COBLL1: variants seen among roughly 807,000 people sequenced by gnomAD.
COBLL1 encodes the protein cordon-bleu WH2 repeat protein like 1.
COBLL1 carries 50 observed loss-of-function variants against 94.8 expected under a neutral mutation model. The observed-to-expected ratio is 0.53, with a 90% confidence interval of 0.42 to 0.67. COBLL1 has a LOEUF of 0.67. COBLL1 is among the 30% of genes least tolerant of loss of function. The probability of loss-of-function intolerance (pLI) is 0.00; values close to 1 mark genes in which losing one functional copy is unlikely to be tolerated. For synonymous variants in COBLL1, 448 were observed against 473.8 expected, an observed-to-expected ratio of 0.95 and a Z score of 0.71; for missense variants, 1,362 against 1,348.7, an observed-to-expected ratio of 1.01 and a Z score of -0.15.
intron 2 of COBLL1, among the ~76,000 whole-genome samples, chr2:164,749,201 T>A (rs963316756): frequency 6.6e-6 from 1 of 152,192 alleles, no homozygotes; most frequent in African/African-American, 2.4e-5. Context: ...ACATCCTTAA[T>A]AAGCTACTCA....
At chr2:164,803,073 T>C (rs542593472) in intron 2 of COBLL1, among the ~76,000 whole-genome samples, 2 of 152,324 alleles carry the variant, frequency 1.3e-5, no homozygotes, top group African/African-American at 2.4e-5. Flanking sequence ...TTTTCCACTA[T>C]TATAAAGCCT....
intron 2 of COBLL1, among the ~76,000 whole-genome samples, chr2:164,768,990 C>T (rs753075779): frequency 3.9e-5 from 6 of 152,018 alleles, no homozygotes; most frequent in South Asian, 2.1e-4. Flanking sequence ...TTCATATTAG[C>T]GAATGGAAGC....
intron 2 of COBLL1, among the ~76,000 whole-genome samples, chr2:164,814,333 T>C (rs1360576493): frequency 5.3e-5 from 8 of 152,130 alleles, no homozygotes; most frequent in Admixed American, 1.3e-4. Context: ...AATAAGGTCT[T>C]AATAAACAAT....
intron 2 of COBLL1, among the ~76,000 whole-genome samples, chr2:164,818,148 A>G (rs1040503001): frequency 1.3e-5 from 2 of 151,424 alleles, no homozygotes; most frequent in African/African-American, 4.9e-5. Context: ...GTATATGTAC[A>G]TGTATACGTG....
chr2:164,823,768 C>A (rs759062793), intron 2 of COBLL1, among the ~76,000 whole-genome samples: 1 of 152,146 alleles, frequency 6.6e-6, no homozygotes, highest in African/African-American at 2.4e-5. Flanking sequence ...TTTGTGATGG[C>A]TTTTACTGTT....
chr2:164,730,606 C>G (rs887350279), intron 3 of COBLL1, among the ~76,000 whole-genome samples: 3 of 152,004 alleles, frequency 2.0e-5, no homozygotes, highest in Non-Finnish European at 4.4e-5. Flanking sequence ...TTAAAAAGTC[C>G]TGGGATAGTC....
Position 164,765,503 on chromosome 2 carries a change from C to G in COBLL1, c.42-21628G>C, listed in dbSNP as rs181048819. Reference sequence around the variant, plus strand: ...CATAAAAGGTATTTTTTTAAATTTCCTTATCTGTTACGATATATAACAAAA... The same window carrying G: ...CATAAAAGGTATTTTTTTAAATTTCGTTATCTGTTACGATATATAACAAAA... On this transcript the variant is annotated intron_variant, in intron 2 of 13. Transcript: ENST00000652658. Among the ~76,000 whole-genome samples the G allele has an allele frequency of 5.2e-3, 793 of 152,108 alleles. 12 individuals are homozygous for G. Among genetic ancestry groups the G allele is most frequent in the African/African-American group, 0.018 (732 of 41,498 alleles).
intron 2 of COBLL1, among the ~76,000 whole-genome samples, chr2:164,822,848 C>T (rs1685245154): frequency 6.6e-6 from 1 of 151,308 alleles, no homozygotes; most frequent in Non-Finnish European, 1.5e-5. Flanking sequence ...AGCTCACTTG[C>T]AACCTCCACC....
At chr2:164,766,180 C>T (rs1343688172) in intron 2 of COBLL1, among the ~76,000 whole-genome samples, 1 of 152,156 alleles carries the variant, frequency 6.6e-6, no homozygotes, top group East Asian at 1.9e-4. Flanking sequence ...ATTTTATTTA[C>T]CCATTCACCA....
chr2:164,703,747 T>A, intron 9 of COBLL1: 1 of 310,700 alleles, frequency 3.2e-6, no homozygotes, highest in Non-Finnish European at 6.5e-6. Flanking sequence ...ATTATCCCCA[T>A]GATAAAGTCC....
In COBLL1 at chr2:164,841,277, G is replaced by A. The variant is rs1396822252; in HGVS notation, c.-50-31C>T. On this transcript the variant is annotated intron_variant, in intron 1 of 13. Transcript: ENST00000652658. This position sits in a 1 kb window ranked among gnomAD's most constrained non-coding sequence, Gnocchi z 5.5. Reference sequence around the variant, plus strand: ...GTGGGAGAGGCCGGCGGGTCAGGGCGGGACGCGCGCCTTCCCGAGGCCGGA... The same window carrying A: ...GTGGGAGAGGCCGGCGGGTCAGGGCAGGACGCGCGCCTTCCCGAGGCCGGA... 13 of 1,220,306 alleles carry A rather than the reference G, an allele frequency of 1.1e-5. No homozygotes were observed. Among genetic ancestry groups the A allele is most frequent in the Non-Finnish European group, 1.2e-5 (12 of 980,718 alleles). The allele number at this position is 1,220,306 out of a possible 1,614,324, so 75.6% of individuals were successfully genotyped here.
intron 9 of COBLL1, among the ~76,000 whole-genome samples, chr2:164,704,021 G>A (rs1684454001): frequency 6.6e-6 from 1 of 152,164 alleles, no homozygotes; most frequent in Non-Finnish European, 1.5e-5. Context: ...TTAGAGTAGG[G>A]TAACTTGTAT....
chr2:164,836,064 A>C (rs766533915), intron 2 of COBLL1, among the ~76,000 whole-genome samples: 12 of 152,144 alleles, frequency 7.9e-5, no homozygotes, highest in Non-Finnish European at 1.5e-4. Context: ...AATATCCTCT[A>C]ACTCATGTAG....
intron 3 of COBLL1, among the ~76,000 whole-genome samples, chr2:164,737,370 T>C (rs1574495442): frequency 6.6e-6 from 1 of 151,956 alleles, no homozygotes; most frequent in Admixed American, 6.6e-5. Flanking sequence ...CTCAGAGCCA[T>C]GGGGGACATG....
chr2:164,722,005 T>C, intron 7 of COBLL1, 70 bp downstream of exon 7: 5 of 1,181,450 alleles, frequency 4.2e-6, no homozygotes, highest in Non-Finnish European at 6.0e-6. Context: ...GAAAAGATGT[T>C]AGGTAAGAGG....
chr2:164,666,677 A>G (rs1691163888), intron 1 of COBLL1, among the ~76,000 whole-genome samples: 1 of 152,206 alleles, frequency 6.6e-6, no homozygotes, highest in African/African-American at 2.4e-5. Context: ...AGTTTGTGTA[A>G]TATCTAAATC....
At chr2:164,792,451 G>T (rs777113859) in intron 2 of COBLL1, among the ~76,000 whole-genome samples, 3 of 151,964 alleles carry the variant, frequency 2.0e-5, no homozygotes, top group Non-Finnish European at 4.4e-5. Flanking sequence ...GCTCTCCTTG[G>T]GGTTCAGCCA....
rs556444115 is a variant in COBLL1 at position 164,710,079 on chromosome 2, T to C, written c.997-4974A>G. ...TAAGACACAGAGGCAAGAGGTTTTATGAAGACTCTTGGAAAATAATTTCAA... is the reference window on the plus strand; with the variant it reads ...TAAGACACAGAGGCAAGAGGTTTTACGAAGACTCTTGGAAAATAATTTCAA... On this transcript the variant is annotated intron_variant, in intron 7 of 13. Coordinates refer to ENST00000652658, the MANE Select transcript of COBLL1 (RefSeq NM_001365672.2). 8.5e-5 allele frequency among the ~76,000 whole-genome samples: 13 copies of C among 152,290 alleles called. No individual in the cohort carries two copies. The South Asian group carries it at 2.7e-3, about 32-fold the overall frequency.
At chr2:164,799,038 A>AAAAAAAAAT in intron 2 of COBLL1, among the ~76,000 whole-genome samples, 1 of 151,344 alleles carries the variant, frequency 6.6e-6, no homozygotes, top group South Asian at 2.1e-4. Context: ...AAAAAAAAAA[A>AAAAAAAAAT]GAGGGGGTAA....
Sources: gnomAD v4.1 joint callset for allele counts (sites outside exome capture counted in the v4.1 genomes callset) on GRCh38, gnomAD v4.1.1 for gene constraint, Gnocchi (gnomAD v3.1) non-coding constraint, MANE v1.5 for transcripts, NCBI Gene and HGNC (gene_info 2026-07-23, HGNC 2026-07-21) for gene names.